The following SNX11 variants were observed in gnomAD, a reference collection of about 807,000 sequenced individuals.
SNX11 encodes sorting nexin-11.
A neutral mutation model predicts 30.7 loss-of-function variants in SNX11; 19 were observed. That is an observed-to-expected ratio of 0.62 (90% CI 0.43 to 0.91). The LOEUF is 0.91. Among genes scored for constraint, SNX11 ranks in the 40% least tolerant of loss-of-function variants. The pLI is 0.00. For synonymous variants in SNX11, 112 were observed against 119.0 expected, an observed-to-expected ratio of 0.94 and a Z score of 0.38; for missense variants, 302 against 326.7, an observed-to-expected ratio of 0.92 and a Z score of 0.58.
At chr17:48,119,281 T>G (rs1321879615) in intron 6 of SNX11, 95 bp downstream of exon 6, 5 of 973,876 alleles carry the variant, frequency 5.1e-6, no homozygotes, top group Non-Finnish European at 7.9e-6. Flanking sequence ...TGTCATAGCA[T>G]TGGTAGCCTT....
chr17:48,121,433 T>C lies in SNX11; in HGVS notation c.738T>C (p.Ser246=), dbSNP rs765230321. Residue 246 remains serine (S), a synonymous_variant, in exon 7 of 7, where the codon TCT becomes TCC. Transcript: ENST00000359238. ...RPKEGTSTLQ[S]VRRAVGGDHA... ...AAGAGGGAACCTCCACTCTTCAGTC[T>C]GTGAGGAGGGCTGTGGGAGGAGATC... 75 of 1,614,086 alleles carry C rather than the reference T, an allele frequency of 4.6e-5. No homozygotes were observed. Among genetic ancestry groups the C allele is most frequent in the Middle Eastern group, 1.6e-4 (1 of 6,078 alleles).
intron 1 of SNX11, among the ~76,000 whole-genome samples, chr17:48,109,583 GTT>G (rs11397962): frequency 7.0e-6 from 1 of 142,036 alleles, no homozygotes. Context: ...TGTTTTTTGT[GTT>G]TTTTTTTTTG....
intron 1 of SNX11, among the ~76,000 whole-genome samples, chr17:48,111,603 T>TGCCACTGA (rs2063492811): frequency 6.8e-6 from 1 of 146,756 alleles, no homozygotes; most frequent in Non-Finnish European, 1.5e-5. Flanking sequence ...GCCGAGATTG[T>TGCCACTGA]GCCATTGCAC....
At position 48,121,294 on chromosome 17, in the gene SNX11, A is replaced by C. The variant is rs1286521086; in HGVS notation, c.599A>C (p.Glu200Ala). ...TCTCCCTCACCGCCTCCCAGTGAAG[A>C]AAAGGACCATTTAGAAGTGTGGGCT... is the stretch of plus-strand genomic sequence containing the variant. ...RSSPSPPPSE[E>A]KDHLEVWAPV... is the part of the protein sequence containing the mutation. The change falls in exon 7 of 7, where the codon GAA (glutamate) becomes GCA (alanine). Residue 200 changes from glutamate to alanine, a missense_variant. Glu to Ala is a moderately radical substitution (Grantham distance 107). Transcript: ENST00000359238. 4 of 1,614,202 alleles carry C rather than the reference A, an allele frequency of 2.5e-6. No individual in the cohort carries two copies. The highest frequency in any genetic ancestry group is 3.4e-6 in the Non-Finnish European group (4 of 1,180,026).
chr17:48,121,357 C>T lies in SNX11; in HGVS notation c.662C>T (p.Pro221Leu), dbSNP rs1351842988. Reference sequence around the variant, plus strand: ...TCTGAGGTTCCTTCCTTGGAAAGTCCCACTCTCCCACCCCTCTCCTCACCA... The same window carrying T: ...TCTGAGGTTCCTTCCTTGGAAAGTCTCACTCTCCCACCCCTCTCCTCACCA... ...VDSEVPSLESPTLPPLSSPLC... is the reference protein window; with the variant it reads ...VDSEVPSLESLTLPPLSSPLC... The change falls in exon 7 of 7, where the codon CCC (proline) becomes CTC (leucine). Residue 221 changes from proline (P) to leucine (L), a missense_variant. Transcript: ENST00000359238. The T allele has an allele frequency of 6.2e-7, 1 of 1,614,008 alleles. No homozygotes were observed. The highest frequency in any genetic ancestry group is 1.3e-5 in the African/African-American group (1 of 74,906).
At chr17:48,111,159 T>C in intron 1 of SNX11, 3 of 983,966 alleles carry the variant, frequency 3.0e-6, no homozygotes, top group Non-Finnish European at 3.6e-6. Flanking sequence ...GGTTCCAGAG[T>C]ATGGATTGGA....
Position 48,121,666 on chromosome 17 carries a change from C to T in SNX11, c.*158C>T, listed in dbSNP as rs2063604222. On this transcript the variant is annotated 3_prime_UTR_variant, in exon 7 of 7. Transcript: ENST00000359238. ...TTGACAGAGGTCAGTCATTACAGCC[C>T]CTTATGCCTCTTCCATGGGAACAAA... 1 of 679,250 alleles carries T rather than the reference C, an allele frequency of 1.5e-6. No individual in the cohort carries two copies. Among genetic ancestry groups the T allele is most frequent in the Non-Finnish European group, 2.5e-6 (1 of 399,286 alleles). 42.1% of individuals were successfully genotyped at this position (679,250 alleles called of 1,614,324 possible).
At chr17:48,118,309 G>A (rs1040931214) in intron 4 of SNX11, among the ~76,000 whole-genome samples, 3 of 152,012 alleles carry the variant, frequency 2.0e-5, no homozygotes, top group African/African-American at 7.2e-5. Context: ...GGCCAGGCAC[G>A]GTGGCTCATG....
intron 4 of SNX11, among the ~76,000 whole-genome samples, chr17:48,116,391 A>AT (rs1175358440): frequency 6.6e-6 from 1 of 151,882 alleles, no homozygotes; most frequent in Non-Finnish European, 1.5e-5. Context: ...TAATTTTTGT[A>AT]TTTTTTGTAG....
In SNX11 at chr17:48,121,547, G is replaced by A. The variant is rs763074626; in HGVS notation, c.*39G>A. ...CTCTGAGATGGTCAGAGAAGATGCGGGCCAGGAGACTTACTCAGGTGGGAC... is the reference window on the plus strand; with the variant it reads ...CTCTGAGATGGTCAGAGAAGATGCGAGCCAGGAGACTTACTCAGGTGGGAC... On this transcript the variant is annotated 3_prime_UTR_variant, in exon 7 of 7. Transcript: ENST00000359238. 1.2e-6 allele frequency: 2 copies of A among 1,601,146 alleles called. No homozygotes were observed. Among genetic ancestry groups the A allele is most frequent in the South Asian group, 1.1e-5 (1 of 89,578 alleles).
At chr17:48,107,973 G>A (rs8077860) in intron 1 of SNX11, 135 bp downstream of exon 1, 110,096 of 152,068 alleles carry the variant, frequency 0.72, 40,652 homozygotes, top group Admixed American at 0.81. Flanking sequence ...TACCACCCGG[G>A]ATTAAGGCAA....
rs573284560 is a variant in SNX11, at chr17:48,117,416, G to A, written c.231-1288G>A. On this transcript the variant is annotated intron_variant, in intron 4 of 6. Transcript: ENST00000359238. ...ACTACAGGCGCCCGCCACCACGCCC[G>A]GCTAGTTTTTTCTATTTTTTAGTTG... Among the ~76,000 whole-genome samples, 495 of 151,874 alleles carry A rather than the reference G, an allele frequency of 3.3e-3. 7 individuals carry two copies. Among genetic ancestry groups the A allele is most frequent in the African/African-American group, 0.012 (482 of 41,440 alleles).
rs1387204242 is a variant in SNX11 at position 48,118,954 on chromosome 17, G to C, written c.327-20G>C. 1.9e-6 allele frequency: 3 copies of C among 1,611,338 alleles called. No individual in the cohort carries two copies. Among genetic ancestry groups the C allele is most frequent in the Non-Finnish European group, 2.5e-6 (3 of 1,177,878 alleles). ...TCCTCAGGGTGATGCTCTGTGTTGTGCTACCTGTGTTTTTCCCAGGGTCCT... is the reference window on the plus strand; with the variant it reads ...TCCTCAGGGTGATGCTCTGTGTTGTCCTACCTGTGTTTTTCCCAGGGTCCT... On this transcript the variant is annotated intron_variant, in intron 5 of 6. Transcript: ENST00000359238.
At chr17:48,112,431 G>A (rs1598330734) in intron 2 of SNX11, 143 bp from the exon 3 acceptor site, 1 of 687,816 alleles carries the variant, frequency 1.5e-6, no homozygotes, top group East Asian at 2.5e-5. Flanking sequence ...TGACTGAATT[G>A]AGTGAATGAA....
Position 48,121,225 on chromosome 17 carries a change from T to A in SNX11, c.540-10T>A. On this transcript the variant is annotated splice_polypyrimidine_tract_variant and intron_variant, in intron 6 of 6. Coordinates refer to ENST00000359238, the MANE Select transcript of SNX11 (RefSeq NM_013323.3). ...CATACCTTTCTTTTCCCTTTCCCAC[T>A]CTTTTCCAGTTGCTGCTTTCTTCCA... The A allele has an allele frequency of 6.2e-7, 1 of 1,613,800 alleles. No individual in the cohort carries two copies. Among genetic ancestry groups the A allele is most frequent in the Non-Finnish European group, 8.5e-7 (1 of 1,179,822 alleles).
In SNX11 at chr17:48,122,236, G is replaced by C. The variant is rs1356912366; in HGVS notation, c.*728G>C. 6.5e-6 allele frequency: 1 copy of C among 153,806 alleles called. No individual in the cohort carries two copies. The allele number at this position is 153,806 out of a possible 1,614,324, so 9.5% of individuals were successfully genotyped here. A position where few individuals can be genotyped will look rare whatever the true frequency, so the allele number is the denominator to read the frequency against. ...ATTTTGGGAAAGGCTGTCCCGGGCT[G>C]TTACTGTCTCTTCTGGTTATAAAGC... On this transcript the variant is annotated 3_prime_UTR_variant, in exon 7 of 7. Transcript: ENST00000359238.
At chr17:48,109,809 A>T (rs1229732803) in intron 1 of SNX11, among the ~76,000 whole-genome samples, 1 of 152,014 alleles carries the variant, frequency 6.6e-6, no homozygotes, top group Non-Finnish European at 1.5e-5. Context: ...GGAGGTTTTT[A>T]AAAAGCCAGT....
intron 6 of SNX11, among the ~76,000 whole-genome samples, chr17:48,120,806 G>A (rs76586925): frequency 0.022 from 3,408 of 151,692 alleles, 69 homozygotes; most frequent in Non-Finnish European, 0.035. Flanking sequence ...CACCACGCCC[G>A]GCCTCTTTTT....
intron 6 of SNX11, among the ~76,000 whole-genome samples, chr17:48,119,942 C>A (rs1297907200): frequency 6.6e-6 from 1 of 152,128 alleles, no homozygotes; most frequent in South Asian, 2.1e-4. Flanking sequence ...CAGCTCCTGG[C>A]AACCACTAGT....
Sources: gnomAD v4.1 joint callset for allele counts (sites outside exome capture counted in the v4.1 genomes callset) on GRCh38, gnomAD v4.1.1 for gene constraint, MANE v1.5 for transcripts, NCBI Gene and HGNC (gene_info 2026-07-23, HGNC 2026-07-21) for gene names.